The following SPTAN1 variants were observed in gnomAD, a reference collection of about 807,000 sequenced individuals.
SPTAN1 encodes spectrin alpha chain, non-erythrocytic 1.
Under a neutral mutation model 331.3 loss-of-function variants are expected in SPTAN1, and 61 were observed. The ratio of observed to expected loss-of-function variants is 0.18; its 90% CI spans 0.15 to 0.23. The LOEUF (loss-of-function observed/expected upper bound fraction) is 0.23, where lower values mean the gene tolerates loss of function less well. Ranked by LOEUF, SPTAN1 falls within the 10% of genes least tolerant of loss-of-function variation. The pLI, the probability that SPTAN1 is intolerant of heterozygous loss-of-function variation, is 1.00. For missense variants in SPTAN1, 2,043 were observed against 3,147.9 expected (o/e 0.65, Z 8.40); for synonymous variants, 1,153 against 1,173.9 (o/e 0.98, Z 0.36).
rs771555109 is a variant in SPTAN1, at chr9:128,583,819, G to A, written c.2043G>A (p.Gln681=). 6.2e-6 allele frequency: 10 copies of A among 1,614,090 alleles called. No individual in the cohort carries two copies. Among genetic ancestry groups the A allele is most frequent in the Admixed American group, 1.7e-5 (1 of 60,006 alleles). ...GIKLREANQQ[Q]QFNRNVEDIE... ...AGCTTCGTGAAGCCAACCAGCAACAGCAATTTAATCGCAATGTTGAGGATA... is the reference window on the plus strand; with the variant it reads ...AGCTTCGTGAAGCCAACCAGCAACAACAATTTAATCGCAATGTTGAGGATA... Residue 681 remains glutamine, a synonymous_variant, in exon 16 of 57, where the codon CAG becomes CAA. Transcript: ENST00000372739.
Position 128,602,459 on chromosome 9 carries a change from C to T in SPTAN1, c.3580-1084C>T, listed in dbSNP as rs572264560. On this transcript the variant is annotated intron_variant, in intron 27 of 56. Coordinates refer to ENST00000372739, the MANE Select transcript of SPTAN1 (RefSeq NM_001130438.3). ...ATTGATCTCCTAACCTCACCTGATC[C>T]ACCCGCCTTGGCCTCCCAAAGTGCT... is the stretch of plus-strand genomic sequence containing the variant. 1.4e-4 allele frequency among the ~76,000 whole-genome samples: 22 copies of T among 152,128 alleles called. No homozygotes were observed. The South Asian group carries it at 4.4e-3, about 30-fold the overall frequency.
chr9:128,611,957 C>G, intron 38 of SPTAN1, 112 bp downstream of exon 38: 1 of 1,602,868 alleles, frequency 6.2e-7, no homozygotes, highest in Non-Finnish European at 8.5e-7. Flanking sequence ...TTATAGAAGA[C>G]TTTAGGCTGA....
intron 43 of SPTAN1, among the ~76,000 whole-genome samples, chr9:128,618,360 A>G (rs1857432803): frequency 6.6e-6 from 1 of 152,132 alleles, no homozygotes; most frequent in Non-Finnish European, 1.5e-5. Flanking sequence ...TCACACATGA[A>G]TCACACATGA....
chr9:128,576,871 A>G lies in SPTAN1; in HGVS notation c.700A>G (p.Asn234Asp). ...GATCAAGACTAAGCAGGATGAAGTC[A>G]ATGCAGCCTGGCAGCGGCTGAAGGG... ...ELIKTKQDEV[N>D]AAWQRLKGLA... Residue 234 changes from asparagine to aspartate, a missense_variant, in exon 6 of 57, where the codon AAT (asparagine) becomes GAT (aspartate). Around this residue, in one of 12 missense-constraint regions of SPTAN1, gnomAD observed 1,038 missense variants for 1,531.5 expected, o/e 0.68. Transcript: ENST00000372739. 1 of 1,614,142 alleles carries G rather than the reference A, an allele frequency of 6.2e-7. No homozygotes were observed.
chr9:128,601,999 C>G (rs1026824695), intron 27 of SPTAN1, among the ~76,000 whole-genome samples: 3 of 152,168 alleles, frequency 2.0e-5, no homozygotes, highest in African/African-American at 7.2e-5. Flanking sequence ...AGCCTTACCC[C>G]CTCAACAGAA....
intron 26 of SPTAN1, 75 bp downstream of exon 26, chr9:128,599,061 A>G (rs1270603673): frequency 6.3e-6 from 9 of 1,417,398 alleles, no homozygotes; most frequent in African/African-American, 1.4e-5. Flanking sequence ...CAAGCCAAGA[A>G]CTTCTTCATC....
Position 128,621,208 on chromosome 9 carries a change from G to A in SPTAN1, c.5784G>A (p.Lys1928=), listed in dbSNP as rs761784727. ...TTGAGACAGACTTCACCGTCCACAA[G>A]GATCGCGTGAATGATGTCTGCACCA... ...EAFETDFTVH[K]DRVNDVCTNG... is the part of the protein sequence containing the mutation. The change falls in exon 45 of 57, where the codon AAG becomes AAA. Residue 1928 remains lysine, a synonymous_variant. Transcript: ENST00000372739. 4 of 1,613,954 alleles carry A rather than the reference G, an allele frequency of 2.5e-6. No individual in the cohort carries two copies. Among genetic ancestry groups the A allele is most frequent in the Non-Finnish European group, 3.4e-6 (4 of 1,180,044 alleles).
In SPTAN1 at chr9:128,577,638, T is replaced by C. The variant is rs1051115471; in HGVS notation, c.1085+132T>C. 2 of 1,218,540 alleles carry C rather than the reference T, an allele frequency of 1.6e-6. No homozygotes were observed. The highest frequency in any genetic ancestry group is 3.0e-5 in the African/African-American group (2 of 67,546). 75.5% of individuals were successfully genotyped at this position (1,218,540 alleles called of 1,614,324 possible). On this transcript the variant is annotated intron_variant, in intron 8 of 56. Coordinates refer to ENST00000372739, the MANE Select transcript of SPTAN1 (RefSeq NM_001130438.3). The surrounding 1 kb of genome is among the most constrained non-coding windows in gnomAD (Gnocchi z 4.2). ...TCACCTACAAATGCAAATCACTTCT[T>C]ACCTATGTTCTCTCTGTTTGGAGAC...
intron 1 of SPTAN1, among the ~76,000 whole-genome samples, chr9:128,557,694 C>T (rs933976751): frequency 6.6e-6 from 1 of 151,146 alleles, no homozygotes; most frequent in Non-Finnish European, 1.5e-5. Context: ...CATGTCTAAT[C>T]TATTTTGTAG....
In SPTAN1 at chr9:128,582,596, A is replaced by G. The variant is rs369353631; in HGVS notation, c.1650+40A>G. The G allele has an allele frequency of 1.6e-4, 252 of 1,612,048 alleles. No individual in the cohort carries two copies. The African/African-American group carries it at 2.9e-3, about 18-fold the overall frequency. ...TCTTCATGCTCCTCCTTTTTGGTAC[A>G]TGAATGTCTCTTCTAAGATGTTCCA... On this transcript the variant is annotated intron_variant, in intron 13 of 56. Transcript: ENST00000372739.
rs1856089219 is a variant in SPTAN1 at position 128,607,842 on chromosome 9, C to A, written c.4147-10C>A. The A allele has an allele frequency of 6.2e-7, 1 of 1,613,876 alleles. No individual in the cohort carries two copies. On this transcript the variant is annotated splice_polypyrimidine_tract_variant and intron_variant, in intron 32 of 56. Coordinates refer to ENST00000372739, the MANE Select transcript of SPTAN1 (RefSeq NM_001130438.3). Reference sequence around the variant, plus strand: ...TGCCAGTTACCTAATCCCTTCCCTCCTTTTGGCAGGAACACCGGACAGAAA... The same window carrying A: ...TGCCAGTTACCTAATCCCTTCCCTCATTTTGGCAGGAACACCGGACAGAAA...
At chr9:128,586,765 T>C (rs1397009226) in intron 19 of SPTAN1, among the ~76,000 whole-genome samples, 1 of 152,126 alleles carries the variant, frequency 6.6e-6, no homozygotes, top group Non-Finnish European at 1.5e-5. Context: ...GTATAGTTCC[T>C]GTACCTAGCT....
chr9:128,583,740 G>A (rs1453761670), intron 15 of SPTAN1, 48 bp from the exon 16 acceptor site: 1 of 1,595,050 alleles, frequency 6.3e-7, no homozygotes, highest in Admixed American at 1.7e-5. Flanking sequence ...AGTGTTGGCA[G>A]AAGGGTAATG....
rs917225316 is a variant in SPTAN1, at chr9:128,627,623, T to C, written c.6689+125T>C. 1.9e-6 allele frequency: 2 copies of C among 1,035,894 alleles called. No homozygotes were observed. Among genetic ancestry groups the C allele is most frequent in the African/African-American group, 3.2e-5 (2 of 63,062 alleles). 64.2% of individuals were successfully genotyped at this position (1,035,894 alleles called of 1,614,324 possible). On this transcript the variant is annotated intron_variant, in intron 50 of 56. Coordinates refer to ENST00000372739, the MANE Select transcript of SPTAN1 (RefSeq NM_001130438.3). The surrounding 1 kb of genome is among the most constrained non-coding windows in gnomAD (Gnocchi z 4.9). ...ACCAGAGGCAGCCTGGGAATAAAGC[T>C]GGGCTGGCAACGCCTGGTCGGGCTC...
chr9:128,570,826 T>A (rs1850631495), intron 3 of SPTAN1, among the ~76,000 whole-genome samples: 1 of 152,084 alleles, frequency 6.6e-6, no homozygotes, highest in South Asian at 2.1e-4. Context: ...CACAGCCAGC[T>A]AATTTTGTAT....
intron 10 of SPTAN1, among the ~76,000 whole-genome samples, chr9:128,580,315 A>ATATACATATG (rs1327186690): frequency 6.6e-6 from 1 of 150,678 alleles, no homozygotes; most frequent in East Asian, 1.9e-4. Flanking sequence ...TAAAATATGT[A>ATATACATATG]TATATATACA....
Position 128,624,465 on chromosome 9 carries a change from G to A in SPTAN1, c.5970G>A (p.Ala1990=), listed in dbSNP as rs138320965. The change falls in exon 46 of 57, where the codon GCG becomes GCA. Residue 1990 remains alanine, a synonymous_variant. Transcript: ENST00000372739. ...NSAFLQFNWK[A]DVVESWIGEK... ...CCTTCCTTCAGTTCAACTGGAAGGC[G>A]GACGTGGTGGAGTCCTGGATCGGTG... is the stretch of plus-strand genomic sequence containing the variant. 4.3e-6 allele frequency: 7 copies of A among 1,613,358 alleles called. No individual in the cohort carries two copies. The highest frequency in any genetic ancestry group is 5.9e-6 in the Non-Finnish European group (7 of 1,180,032).
chr9:128,598,381 T>C lies in SPTAN1; in HGVS notation c.3415-19T>C, dbSNP rs1359331274. 1.2e-6 allele frequency: 2 copies of C among 1,604,556 alleles called. No homozygotes were observed. The highest frequency in any genetic ancestry group is 1.7e-6 in the Non-Finnish European group (2 of 1,174,548). On this transcript the variant is annotated intron_variant, in intron 24 of 56. Coordinates refer to ENST00000372739, the MANE Select transcript of SPTAN1 (RefSeq NM_001130438.3). ...GCTTGCTATTTTGGGTTTTAGTTAT[T>C]ATGGCTTTTGCTTTAAAGGACCTGA...
At chr9:128,617,592 G>T (rs1857326274) in intron 41 of SPTAN1, 48 bp from the exon 42 acceptor site, 2 of 1,613,588 alleles carry the variant, frequency 1.2e-6, no homozygotes, top group Non-Finnish European at 1.7e-6. Flanking sequence ...CCACTTGAAA[G>T]CAGGGAGGTG....
Sources: gnomAD v4.1 joint callset for allele counts (sites outside exome capture counted in the v4.1 genomes callset) on GRCh38, gnomAD v4.1.1 for gene constraint, gnomAD v4.1.1 regional missense constraint, Gnocchi (gnomAD v3.1) non-coding constraint, MANE v1.5 for transcripts, NCBI Gene and HGNC (gene_info 2026-07-23, HGNC 2026-07-21) for gene names.